ADCK5: variants seen among roughly 807,000 people sequenced by gnomAD.
ADCK5 encodes the protein uncharacterized aarF domain-containing protein kinase 5.
Under a neutral mutation model 64.9 loss-of-function variants are expected in ADCK5, and 43 were observed. That is an observed-to-expected ratio of 0.66 (90% CI 0.52 to 0.85). The LOEUF is 0.85. Among genes scored for constraint, ADCK5 ranks in the 40% least tolerant of loss-of-function variants. The probability of loss-of-function intolerance (pLI) is 0.00; values close to 1 mark genes in which losing one functional copy is unlikely to be tolerated. For missense variants in ADCK5, 760 were observed against 810.5 expected, an observed-to-expected ratio of 0.94 and a Z score of 0.76; for synonymous variants, 434 against 342.8, an observed-to-expected ratio of 1.27 and a Z score of -2.94.
chr8:144,383,593 G>T (rs565336206), intron 3 of ADCK5, among the ~76,000 whole-genome samples: 40 of 152,352 alleles, frequency 2.6e-4, no homozygotes, highest in Non-Finnish European at 5.3e-4. Flanking sequence ...CAGCTGCCCT[G>T]CCTTCCTTCT....
chr8:144,392,744 GGCTGACGCGGC>G (rs1820364408), intron 13 of ADCK5, 21 bp from the exon 14 acceptor site: 1 of 1,586,662 alleles, frequency 6.3e-7, no homozygotes, highest in Non-Finnish European at 8.6e-7. Context: ...GCTGGTGTGG[GGCTGACGCGGC>G]GCTAACGCGG....
chr8:144,385,498 C>T (rs1819876285), intron 3 of ADCK5, among the ~76,000 whole-genome samples: 1 of 150,820 alleles, frequency 6.6e-6, no homozygotes, highest in South Asian at 2.1e-4. Context: ...ACTTAAATCA[C>T]CACCAGGCGC....
In ADCK5 at chr8:144,391,353, C is replaced by T. The variant is rs1554860492; in HGVS notation, c.685-8C>T. On this transcript the variant is annotated splice_region_variant and splice_polypyrimidine_tract_variant and intron_variant, in intron 6 of 14. Coordinates refer to ENST00000308860, the MANE Select transcript of ADCK5 (RefSeq NM_174922.5). ...CCCAAGTTCTCACCACACCCTCGCC[C>T]AGTGCAGGTGCAGTACATCGACCTG... 1 of 1,613,070 alleles carries T rather than the reference C, an allele frequency of 6.2e-7. No homozygotes were observed. Among genetic ancestry groups the T allele is most frequent in the Non-Finnish European group, 8.5e-7 (1 of 1,179,982 alleles).
At chr8:144,377,103 G>A (rs1819396247) in intron 1 of ADCK5, among the ~76,000 whole-genome samples, 3 of 152,368 alleles carry the variant, frequency 2.0e-5, no homozygotes, top group South Asian at 4.1e-4. Flanking sequence ...CACGGGGCAT[G>A]ACTGGCTATG....
chr8:144,390,632 G>A (rs1820172848), intron 3 of ADCK5, 39 bp from the exon 4 acceptor site: 3 of 1,604,400 alleles, frequency 1.9e-6, no homozygotes, highest in African/African-American at 2.7e-5. Flanking sequence ...GGGGCCCCGA[G>A]CCTGCCCCGC....
chr8:144,391,287 T>G lies in ADCK5; in HGVS notation c.684+13T>G, dbSNP rs1554860452. On this transcript the variant is annotated intron_variant, in intron 6 of 14. Transcript: ENST00000308860. Reference sequence around the variant, plus strand: ...CGTGGCTGTGAAGGTATATGGGGGCTGCCTTGTTCAGCAGTGGGCTGGGGC... The same window carrying G: ...CGTGGCTGTGAAGGTATATGGGGGCGGCCTTGTTCAGCAGTGGGCTGGGGC... 1.9e-6 allele frequency: 3 copies of G among 1,612,360 alleles called. No individual in the cohort carries two copies. Among genetic ancestry groups the G allele is most frequent in the Non-Finnish European group, 2.5e-6 (3 of 1,179,970 alleles).
At chr8:144,391,557 T>A (rs1247794664) in intron 7 of ADCK5, 23 bp from the exon 8 acceptor site, 2 of 1,583,862 alleles carry the variant, frequency 1.3e-6, no homozygotes, top group Non-Finnish European at 1.7e-6. Context: ...AGAGCTGGTC[T>A]TCAACCGCCA....
chr8:144,391,280 T>C lies in ADCK5; in HGVS notation c.684+6T>C. 1 of 1,612,406 alleles carries C rather than the reference T, an allele frequency of 6.2e-7. No homozygotes were observed. Among genetic ancestry groups the C allele is most frequent in the Admixed American group, 1.7e-5 (1 of 60,022 alleles). On this transcript the variant is annotated splice_donor_region_variant and intron_variant, in intron 6 of 14. Transcript: ENST00000308860. ...GCACCAGCGTGGCTGTGAAGGTATATGGGGGCTGCCTTGTTCAGCAGTGGG... is the reference window on the plus strand; with the variant it reads ...GCACCAGCGTGGCTGTGAAGGTATACGGGGGCTGCCTTGTTCAGCAGTGGG...
chr8:144,386,600 T>C (rs1554859329), intron 3 of ADCK5, among the ~76,000 whole-genome samples: 4 of 152,214 alleles, frequency 2.6e-5, no homozygotes, highest in Non-Finnish European at 1.5e-5. Flanking sequence ...TCAAGTGATC[T>C]GCCCGCCTCG....
chr8:144,378,212 C>T (rs549149904), intron 1 of ADCK5, among the ~76,000 whole-genome samples: 1 of 152,316 alleles, frequency 6.6e-6, no homozygotes, highest in East Asian at 1.9e-4. Flanking sequence ...AACCTGGCTT[C>T]CTGGCATGAT....
chr8:144,374,466 G>A (rs1435098292), intron 1 of ADCK5, among the ~76,000 whole-genome samples: 6 of 152,174 alleles, frequency 3.9e-5, no homozygotes, highest in African/African-American at 1.2e-4. Context: ...CCGAGAGCTG[G>A]GATTTCAGGC....
At chr8:144,386,549 G>A (rs113352590) in intron 3 of ADCK5, among the ~76,000 whole-genome samples, 301 of 152,046 alleles carry the variant, frequency 2.0e-3, no homozygotes, top group African/African-American at 6.9e-3. Context: ...GTAGCAATAG[G>A]GTTTCATCAT....
rs1476012326 is a variant in ADCK5, at chr8:144,392,802, C to T, written c.1547C>T (p.Ala516Val). 1.9e-6 allele frequency: 3 copies of T among 1,591,172 alleles called. No individual in the cohort carries two copies. The highest frequency in any genetic ancestry group is 1.7e-6 in the Non-Finnish European group (2 of 1,173,442). The part of the protein sequence containing the change: ...KRAVRGWSRL[A>V]GATYRGVYGT... ...GCTGTCCGGGGCTGGAGCCGCCTGG[C>T]GGGCGCCACGTATCGGGGTGTCTAC... Residue 516 changes from alanine (A) to valine (V), a missense_variant, in exon 14 of 15, where the codon GCG becomes GTG. By Grantham distance (64) the Ala-to-Val change is moderately conservative. Transcript: ENST00000308860.
rs375545962 is a variant in ADCK5 at position 144,392,066 on chromosome 8, C to A, written c.1097-26C>A. 4 of 1,612,178 alleles carry A rather than the reference C, an allele frequency of 2.5e-6. No individual in the cohort carries two copies. In the South Asian group the frequency reaches 4.4e-5, roughly 18 times the overall value. On this transcript the variant is annotated intron_variant, in intron 10 of 14. Transcript: ENST00000308860. ...GGTGGGGGTCTCAGGGTGGGCGCAG[C>A]GCGACCTAAGAGGCTGTATCCCTAG...
intron 2 of ADCK5, among the ~76,000 whole-genome samples, chr8:144,381,174 G>A (rs1353176029): frequency 1.4e-5 from 2 of 146,964 alleles, no homozygotes; most frequent in African/African-American, 2.6e-5. Context: ...ACAGATGTGT[G>A]CTCAGGCACC....
At chr8:144,383,950 T>G (rs1554858834) in intron 3 of ADCK5, among the ~76,000 whole-genome samples, 1 of 137,434 alleles carries the variant, frequency 7.3e-6, no homozygotes, top group African/African-American at 2.8e-5. Flanking sequence ...TGGAGTGCAG[T>G]GGCGCAATCT....
chr8:144,374,172 G>A, intron 1 of ADCK5, 65 bp downstream of exon 1: 7 of 1,239,152 alleles, frequency 5.6e-6, no homozygotes, highest in East Asian at 3.2e-5. Context: ...CCCGAGACCC[G>A]CAAGTCCCCA....
intron 3 of ADCK5, among the ~76,000 whole-genome samples, chr8:144,383,978 G>A (rs1381546892): frequency 7.4e-6 from 1 of 135,628 alleles, no homozygotes; most frequent in South Asian, 2.4e-4. Flanking sequence ...CTCAAGCCCC[G>A]CCTCCCTGGT....
rs536591461 is a variant in ADCK5, at chr8:144,386,418, T to C, written c.266+3188T>C. Among the ~76,000 whole-genome samples the C allele has an allele frequency of 8.9e-4, 135 of 152,032 alleles. 1 individual carries two copies. Among genetic ancestry groups the C allele is most frequent in the Non-Finnish European group, 1.7e-3 (118 of 67,956 alleles). ...TGCTGCCCAGGCTGGAGTGCAATGG[T>C]GGGATCTCGGCTCACTGCAACCTCC... On this transcript the variant is annotated intron_variant, in intron 3 of 14. Coordinates refer to ENST00000308860, the MANE Select transcript of ADCK5 (RefSeq NM_174922.5).
Sources: gnomAD v4.1 joint callset for allele counts (sites outside exome capture counted in the v4.1 genomes callset) on GRCh38, gnomAD v4.1.1 for gene constraint, MANE v1.5 for transcripts, NCBI Gene and HGNC (gene_info 2026-07-23, HGNC 2026-07-21) for gene names.